FAXC: variants seen among roughly 807,000 people sequenced by gnomAD.
FAXC encodes failed axon connections homolog.
Under a neutral mutation model 41.9 loss-of-function variants are expected in FAXC, and 10 were observed. That is an observed-to-expected ratio of 0.24 (90% CI 0.15 to 0.41). The LOEUF (loss-of-function observed/expected upper bound fraction) is 0.41, where lower values mean the gene tolerates loss of function less well. Ranked by LOEUF, FAXC falls within the 10% of genes least tolerant of loss-of-function variation. The pLI, the probability that FAXC is intolerant of heterozygous loss-of-function variation, is 1.00. For synonymous variants in FAXC, 183 were observed against 183.8 expected, an observed-to-expected ratio of 1.00 and a Z score of 0.03; for missense variants, 399 against 510.9, an observed-to-expected ratio of 0.78 and a Z score of 2.11.
chr6:99,299,698 CT>C (rs1293967425), intron 4 of FAXC, among the ~76,000 whole-genome samples: 1 of 152,148 alleles, frequency 6.6e-6, no homozygotes, highest in East Asian at 1.9e-4. Flanking sequence ...ACACTTAAAA[CT>C]TTTTTTCTGC....
At chr6:99,282,437 T>G (rs1408320952) in intron 5 of FAXC, among the ~76,000 whole-genome samples, 1 of 152,168 alleles carries the variant, frequency 6.6e-6, no homozygotes, top group Non-Finnish European at 1.5e-5. Flanking sequence ...ACACACTTAG[T>G]ATAAGATATT....
At chr6:99,284,831 T>C (rs1011639144) in intron 5 of FAXC, among the ~76,000 whole-genome samples, 1 of 151,668 alleles carries the variant, frequency 6.6e-6, no homozygotes, top group Non-Finnish European at 1.5e-5. Flanking sequence ...GGAGAATCAC[T>C]TGAACCAGGG....
At chr6:99,309,200 T>A (rs186894093) in intron 4 of FAXC, among the ~76,000 whole-genome samples, 4 of 152,200 alleles carry the variant, frequency 2.6e-5, no homozygotes, top group Admixed American at 2.6e-4. Context: ...CATGATGCTA[T>A]CTTGTAAGGG....
intron 4 of FAXC, chr6:99,309,798 G>A (rs1292821014): frequency 4.0e-6 from 2 of 497,384 alleles, no homozygotes; most frequent in Non-Finnish European, 2.6e-6. Flanking sequence ...GATGAGCACA[G>A]GACTCCGGTA....
chr6:99,278,660 A>T lies in FAXC; in HGVS notation c.*2504T>A, dbSNP rs1770714690. 1 of 152,184 alleles carries T rather than the reference A, an allele frequency of 6.6e-6. No individual in the cohort carries two copies. Among genetic ancestry groups the T allele is most frequent in the South Asian group, 2.1e-4 (1 of 4,818 alleles). 9.4% of individuals were successfully genotyped at this position (152,184 alleles called of 1,614,324 possible). A position where few individuals can be genotyped will look rare whatever the true frequency, so the allele number is the denominator to read the frequency against. ...TTTTGTTTGCATAACCCGCCTTGGG[A>T]AAGTAAAGCAGGGGCATATTCTAGG... On this transcript the variant is annotated 3_prime_UTR_variant, in exon 6 of 6. Transcript: ENST00000389677.
Position 99,349,421 on chromosome 6 carries a change from A to T in FAXC, c.-49T>A, listed in dbSNP as rs777302973. 235 of 1,471,214 alleles carry T rather than the reference A, an allele frequency of 1.6e-4. No homozygotes were observed. Among genetic ancestry groups the T allele is most frequent in the Middle Eastern group, 7.3e-4 (3 of 4,124 alleles). 91.1% of individuals were successfully genotyped at this position (1,471,214 alleles called of 1,614,324 possible). A position where few individuals can be genotyped will look rare whatever the true frequency, so the allele number is the denominator to read the frequency against. On this transcript the variant is annotated 5_prime_UTR_variant, in exon 1 of 6. It removes an upstream start codon present in the reference 5' UTR. Coordinates refer to ENST00000389677, the MANE Select transcript of FAXC (RefSeq NM_032511.4). The stretch of plus-strand genomic sequence containing the variant: ...CCCTCCCAGGGCCCGCGCCGCCCGC[A>T]TGGGAAGGGGCCGGCGCGGCCCGGC...
intron 2 of FAXC, among the ~76,000 whole-genome samples, chr6:99,336,722 T>C (rs1773229419): frequency 6.6e-6 from 1 of 152,174 alleles, no homozygotes; most frequent in African/African-American, 2.4e-5. Flanking sequence ...TAACCCTCCC[T>C]GGACCTCAGT....
In FAXC at chr6:99,275,693, T is replaced by G. The variant is rs1314687660; in HGVS notation, c.*5471A>C. 6 of 152,210 alleles carry G rather than the reference T, an allele frequency of 3.9e-5. No individual in the cohort carries two copies. The highest frequency in any genetic ancestry group is 5.9e-5 in the Non-Finnish European group (4 of 68,038). The allele number at this position is 152,210 out of a possible 1,614,324, so 9.4% of individuals were successfully genotyped here. On this transcript the variant is annotated 3_prime_UTR_variant, in exon 6 of 6. Coordinates refer to ENST00000389677, the MANE Select transcript of FAXC (RefSeq NM_032511.4). ...CATCTCTAACTGGCAAGGCTAACGT[T>G]GCTGGTTCCAGCAGTCTCATCTCAA...
intron 1 of FAXC, among the ~76,000 whole-genome samples, chr6:99,344,065 C>T (rs9402695): frequency 0.51 from 76,790 of 151,986 alleles, 19,728 homozygotes; most frequent in East Asian, 0.6. Context: ...CCAAGCCCTG[C>T]TTCCTACTGG....
intron 2 of FAXC, among the ~76,000 whole-genome samples, chr6:99,341,861 T>C (rs1381972630): frequency 6.6e-6 from 1 of 151,398 alleles, no homozygotes; most frequent in East Asian, 1.9e-4. Context: ...AAGGAATCAA[T>C]ATCACAGAGA....
At position 99,323,640 on chromosome 6, in the gene FAXC, G is replaced by T; in HGVS notation, c.627C>A (p.Asp209Glu). ...GCATCTTCCGGGTCTCATTGAGATT[G>T]TCCACCCACTGGCAATAAGCTAATG... ...YWTLAYCQWV[D>E]NLNETRKMLS... The change falls in exon 4 of 6, where the codon GAC becomes GAA. Residue 209 changes from aspartate to glutamate, a missense_variant. This residue lies in a region of FAXC where 239 missense variants were observed against 352.7 expected (regional missense o/e 0.68). Transcript: ENST00000389677. 6.2e-7 allele frequency: 1 copy of T among 1,614,186 alleles called. No individual in the cohort carries two copies. The highest frequency in any genetic ancestry group is 8.5e-7 in the Non-Finnish European group (1 of 1,180,006).
chr6:99,347,433 T>C (rs928211184), intron 1 of FAXC, among the ~76,000 whole-genome samples: 2 of 147,878 alleles, frequency 1.4e-5, no homozygotes, highest in Non-Finnish European at 3.0e-5. Flanking sequence ...GAAGAAAAAG[T>C]GTGAATCAAC....
chr6:99,282,196 G>A (rs1770866539), intron 5 of FAXC, among the ~76,000 whole-genome samples: 1 of 152,112 alleles, frequency 6.6e-6, no homozygotes, highest in South Asian at 2.1e-4. Context: ...CTAATGCTGT[G>A]ATTGGTTCAT....
intron 3 of FAXC, among the ~76,000 whole-genome samples, chr6:99,326,110 C>G (rs1164548313): frequency 1.3e-5 from 2 of 152,194 alleles, no homozygotes; most frequent in East Asian, 3.9e-4. Context: ...CAGGACAGGC[C>G]TGAGGACAGG....
chr6:99,306,325 T>C (rs866269691), intron 4 of FAXC, among the ~76,000 whole-genome samples: 2 of 151,930 alleles, frequency 1.3e-5, no homozygotes, highest in Non-Finnish European at 2.9e-5. Context: ...CCAGTGGAAA[T>C]GACGCAGAAG....
chr6:99,325,104 GT>G (rs11384726), intron 3 of FAXC, among the ~76,000 whole-genome samples: 4 of 148,344 alleles, frequency 2.7e-5, no homozygotes, highest in Admixed American at 6.7e-5. Context: ...TTTAAGGTTT[GT>G]TTTTTTTTTT....
At position 99,323,464 on chromosome 6, in the gene FAXC, C is replaced by T. The variant is rs1199943805; in HGVS notation, c.803G>A (p.Arg268Gln). The T allele has an allele frequency of 1.9e-6, 3 of 1,614,126 alleles. No homozygotes were observed. Among genetic ancestry groups the T allele is most frequent in the South Asian group, 2.2e-5 (2 of 91,090 alleles). Residue 268 changes from arginine (R) to glutamine (Q), a missense_variant, in exon 4 of 6, where the codon CGG (arginine) becomes CAG (glutamine). Arg to Gln is a conservative substitution (Grantham distance 43). Transcript: ENST00000389677. Reference sequence around the variant, plus strand: ...ATTACCCAAAAGCCCTGCTAAAGACCGCATGTCCTTCTCCATCAGCATGTA... The same window carrying T: ...ATTACCCAAAAGCCCTGCTAAAGACTGCATGTCCTTCTCCATCAGCATGTA... ...EIYMLMEKDM[R>Q]SLAGLLGDKK...
chr6:99,294,431 T>C (rs1361486216), intron 4 of FAXC, among the ~76,000 whole-genome samples: 1 of 152,176 alleles, frequency 6.6e-6, no homozygotes, highest in African/African-American at 2.4e-5. Flanking sequence ...GGCCAAACAG[T>C]CCTCCCTGTG....
At chr6:99,305,090 C>T (rs186324672) in intron 4 of FAXC, among the ~76,000 whole-genome samples, 22 of 152,084 alleles carry the variant, frequency 1.4e-4, no homozygotes, top group East Asian at 5.8e-4. Flanking sequence ...AAGGCACATA[C>T]GGGGAAAAAG....
Sources: allele counts gnomAD v4.1 joint callset (sites outside exome capture counted in the v4.1 genomes callset), GRCh38; gene constraint gnomAD v4.1.1; regional missense constraint gnomAD v4.1.1; transcripts MANE v1.5; gene names NCBI Gene and HGNC (gene_info 2026-07-23, HGNC 2026-07-21).